DNAH6: variants seen among roughly 807,000 people sequenced by gnomAD.
DNAH6 encodes axonemal beta dynein heavy chain 6.
In DNAH6, 340 loss-of-function variants were observed where a neutral mutation model predicts 491.4. The ratio of observed to expected loss-of-function variants is 0.69; its 90% CI spans 0.63 to 0.76. The LOEUF is 0.76. Among genes scored for constraint, DNAH6 ranks in the 30% least tolerant of loss-of-function variants. DNAH6 has a pLI of 0.00. For synonymous variants in DNAH6, 1,603 were observed against 1,686.1 expected, an observed-to-expected ratio of 0.95 and a Z score of 1.21; for missense variants, 4,443 against 4,972.2, an observed-to-expected ratio of 0.89 and a Z score of 3.20.
intron 22 of DNAH6, 65 bp downstream of exon 22, chr2:84,611,919 C>A: frequency 7.2e-7 from 1 of 1,384,904 alleles, no homozygotes; most frequent in South Asian, 1.4e-5. Flanking sequence ...GACTTTAGTC[C>A]CAGACTAAAA....
intron 76 of DNAH6, among the ~76,000 whole-genome samples, chr2:84,817,826 T>C (rs1035907438): frequency 6.6e-6 from 1 of 152,040 alleles, no homozygotes; most frequent in East Asian, 1.9e-4. Context: ...GTAGGCAAGA[T>C]GGGAGGGAGG....
intron 64 of DNAH6, 45 bp downstream of exon 64, chr2:84,762,990 C>A: frequency 6.9e-7 from 1 of 1,440,948 alleles, no homozygotes; most frequent in Non-Finnish European, 9.5e-7. Flanking sequence ...TGCATATGAA[C>A]ATCTCTTTGT....
At chr2:84,733,688 A>G (rs967853798) in intron 62 of DNAH6, 109 bp downstream of exon 62, 30 of 1,006,336 alleles carry the variant, frequency 3.0e-5, no homozygotes, top group South Asian at 7.0e-5. Context: ...TTCACTAGGA[A>G]CTTCCTTCAT....
intron 72 of DNAH6, 93 bp downstream of exon 72, chr2:84,808,635 AT>A: frequency 7.5e-7 from 1 of 1,331,944 alleles, no homozygotes; most frequent in Non-Finnish European, 1.0e-6. Flanking sequence ...TCACTTCAGC[AT>A]TTCCATTTGG....
upstream of DNAH6, among the ~76,000 whole-genome samples, chr2:84,511,918 T>G (rs1203390017): frequency 6.6e-6 from 1 of 152,226 alleles, no homozygotes; most frequent in Non-Finnish European, 1.5e-5. Context: ...GGATTCAGTT[T>G]GCTAGTATTT....
chr2:84,515,115 G>A (rs560870437), upstream of DNAH6, among the ~76,000 whole-genome samples: 9 of 152,090 alleles, frequency 5.9e-5, no homozygotes, highest in South Asian at 2.1e-4. Flanking sequence ...TTTATGCTTC[G>A]ATGTACTGAG....
chr2:84,513,215 G>C (rs1675402564), upstream of DNAH6, among the ~76,000 whole-genome samples: 1 of 151,100 alleles, frequency 6.6e-6, no homozygotes, highest in African/African-American at 2.4e-5. Flanking sequence ...TACTTTCTTT[G>C]TTTGCATGTC....
At chr2:84,644,142 A>G (rs1689674943) in intron 33 of DNAH6, among the ~76,000 whole-genome samples, 1 of 152,084 alleles carries the variant, frequency 6.6e-6, no homozygotes. Context: ...AGTGTTTCTC[A>G]GTTTCTTCTC....
At position 84,626,453 on chromosome 2, in the gene DNAH6, A is replaced by G. The variant is rs1361836007; in HGVS notation, c.4515+1390A>G. Among the ~76,000 whole-genome samples the G allele has an allele frequency of 2.0e-5, 3 of 152,164 alleles. No individual in the cohort carries two copies. In the East Asian group the frequency reaches 5.8e-4, roughly 29 times the overall value. On this transcript the variant is annotated intron_variant, in intron 29 of 76. Coordinates refer to ENST00000389394, the MANE Select transcript of DNAH6 (RefSeq NM_001370.2). ...GCTTATAATATCAAAGATTGTTCAT[A>G]GTGGAATTTAATAGAATAATTGGCC...
chr2:84,525,645 A>C lies in DNAH6; in HGVS notation c.306A>C (p.Gly102=). ...EQNRFQLMTA[G]IIKRPVSIAK... ...ACCGATTTCAGTTAATGACTGCAGG[A>C]ATCATTAAACGTCCAGTAAGCATAG... Residue 102 remains glycine (G), a synonymous_variant, in exon 3 of 77, where the codon GGA becomes GGC. Transcript: ENST00000389394. The C allele has an allele frequency of 1.3e-6, 2 of 1,550,812 alleles. No homozygotes were observed. The highest frequency in any genetic ancestry group is 8.7e-7 in the Non-Finnish European group (1 of 1,146,414).
intron 37 of DNAH6, among the ~76,000 whole-genome samples, chr2:84,660,331 A>G (rs993346917): frequency 5.3e-5 from 8 of 152,204 alleles, no homozygotes; most frequent in Non-Finnish European, 8.8e-5. Context: ...AAAATCAATA[A>G]TCATAGTATA....
chr2:84,636,474 G>A (rs1688886953), intron 30 of DNAH6, among the ~76,000 whole-genome samples: 1 of 152,164 alleles, frequency 6.6e-6, no homozygotes, highest in South Asian at 2.1e-4. Flanking sequence ...CAGGTTGATT[G>A]CAGACAGCAA....
chr2:84,818,275 A>G (rs968444021), intron 76 of DNAH6, among the ~76,000 whole-genome samples: 1 of 152,046 alleles, frequency 6.6e-6, no homozygotes, highest in Non-Finnish European at 1.5e-5. Context: ...TATTCTTGCC[A>G]TAAAACTCAA....
chr2:84,785,833 G>A, intron 67 of DNAH6, 77 bp downstream of exon 67: 1 of 1,337,122 alleles, frequency 7.5e-7, no homozygotes, highest in Non-Finnish European at 9.8e-7. Flanking sequence ...TTAAGTGAAA[G>A]CTTATAAATG....
chr2:84,516,618 C>T (rs1252681358), intron 1 of DNAH6, 35 bp downstream of exon 1: 1 of 152,214 alleles, frequency 6.6e-6, no homozygotes, highest in Non-Finnish European at 1.5e-5. Flanking sequence ...GGCCTGGGCT[C>T]CGATTTCTGG....
intron 40 of DNAH6, among the ~76,000 whole-genome samples, chr2:84,675,823 T>G (rs1212521726): frequency 6.6e-6 from 1 of 152,160 alleles, no homozygotes; most frequent in Non-Finnish European, 1.5e-5. Context: ...CATGCCTGGC[T>G]AATTTTTTGA....
rs1005225494 is a variant in DNAH6, at chr2:84,646,195, G to T, written c.5078+4141G>T. On this transcript the variant is annotated intron_variant, in intron 33 of 76. Transcript: ENST00000389394. The stretch of plus-strand genomic sequence containing the variant: ...ATTGATCTTTGATGTTACTATTGCA[G>T]TTGTTCTGGGAGCACCACAAACTGC... Among the ~76,000 whole-genome samples, 4 of 152,092 alleles carry T rather than the reference G, an allele frequency of 2.6e-5. 1 individual carries two copies. Among genetic ancestry groups the T allele is most frequent in the Non-Finnish European group, 5.9e-5 (4 of 68,016 alleles).
chr2:84,611,576 A>G, intron 21 of DNAH6, 98 bp from the exon 22 acceptor site: 2 of 1,081,216 alleles, frequency 1.8e-6, no homozygotes, highest in East Asian at 2.6e-5. Flanking sequence ...ACCCTCAAGG[A>G]AAAAGATACA....
rs1194671300 is a variant in DNAH6 at position 84,701,258 on chromosome 2, C to G, written c.7980C>G (p.Tyr2660Ter). The G allele has an allele frequency of 6.4e-7, 1 of 1,551,726 alleles. No individual in the cohort carries two copies. The highest frequency in any genetic ancestry group is 8.7e-7 in the Non-Finnish European group (1 of 1,147,022). ...ERYYNELRRRYYTTPTSYLEL... is the reference protein window; with the variant it reads ...ERYYNELRRR ...ATTACAATGAGCTGCGCAGGCGGTA[C>G]TACACGACACCCACCTCCTACCTGG... Residue 2660 changes from tyrosine to a stop codon, truncating the protein, a stop_gained, in exon 49 of 77, where the codon TAC becomes TAG. Transcript: ENST00000389394. LOFTEE classifies it high-confidence loss of function.
Sources: gnomAD v4.1 joint callset for allele counts (sites outside exome capture counted in the v4.1 genomes callset) on GRCh38, gnomAD v4.1.1 for gene constraint, MANE v1.5 for transcripts, NCBI Gene and HGNC (gene_info 2026-07-23, HGNC 2026-07-21) for gene names.